ZNF385B: variants seen among roughly 807,000 people sequenced by gnomAD.
ZNF385B encodes the protein zinc finger protein 385B, also known as zinc finger protein 533.
A neutral mutation model predicts 39.2 loss-of-function variants in ZNF385B; 23 were observed. The observed-to-expected ratio is 0.59, with a 90% CI of 0.42 to 0.83. ZNF385B has a LOEUF of 0.83. ZNF385B is among the 40% of genes least tolerant of loss of function. The pLI, the probability that ZNF385B is intolerant of heterozygous loss-of-function variation, is 0.00. For synonymous variants in ZNF385B, 205 were observed against 222.6 expected (o/e 0.92, Z 0.70); for missense variants, 552 against 598.9 (o/e 0.92, Z 0.82).
chr2:179,637,043 A>G (rs1450423191), intron 3 of ZNF385B, among the ~76,000 whole-genome samples: 2 of 152,216 alleles, frequency 1.3e-5, no homozygotes, highest in South Asian at 2.1e-4. Flanking sequence ...CATAGCAAGT[A>G]ATTTCTAGTT....
intron 3 of ZNF385B, among the ~76,000 whole-genome samples, chr2:179,555,953 T>C (rs2060879478): frequency 6.7e-6 from 1 of 149,178 alleles, no homozygotes; most frequent in Non-Finnish European, 1.5e-5. Context: ...TGCACTGAAG[T>C]TGATAAGCAA....
chr2:179,741,314 T>C (rs951129848), intron 3 of ZNF385B, among the ~76,000 whole-genome samples: 7 of 152,164 alleles, frequency 4.6e-5, no homozygotes, highest in African/African-American at 1.4e-4. Context: ...ATTTTTTTTC[T>C]CATTTTGAGA....
In ZNF385B at chr2:179,493,789, G is replaced by GTATATGCATATATGTA. The variant is rs1553572807; in HGVS notation, c.553-10356_553-10355insTACATATATGCATATA. On this transcript the variant is annotated intron_variant, in intron 5 of 9. Transcript: ENST00000410066. ...TATACATATATGTATATACACATAT[G>GTATATGCATATATGTA]TATACATATATGTATATATACATAT... is the stretch of plus-strand genomic sequence containing the variant. Among the ~76,000 whole-genome samples the GTATATGCATATATGTA allele has an allele frequency of 4.4e-5, 5 of 113,252 alleles. 1 individual carries two copies. Among genetic ancestry groups the GTATATGCATATATGTA allele is most frequent in the East Asian group, 4.1e-4 (2 of 4,820 alleles). 74.3% of individuals were successfully genotyped at this position (113,252 alleles called of 152,430 possible). A position where few individuals can be genotyped will look rare whatever the true frequency, so the allele number is the denominator to read the frequency against.
chr2:179,600,193 T>A (rs565437116), intron 3 of ZNF385B, among the ~76,000 whole-genome samples: 2 of 152,302 alleles, frequency 1.3e-5, no homozygotes, highest in East Asian at 3.9e-4. Flanking sequence ...AGGCCAACCA[T>A]CATTGCTTAG....
chr2:179,632,499 C>T (rs941837476), intron 3 of ZNF385B, among the ~76,000 whole-genome samples: 1 of 152,110 alleles, frequency 6.6e-6, no homozygotes, highest in African/African-American at 2.4e-5. Context: ...TTTTTTGAAT[C>T]CAATGAGAAC....
chr2:179,646,154 C>T (rs1692695911), intron 3 of ZNF385B, among the ~76,000 whole-genome samples: 1 of 152,330 alleles, frequency 6.6e-6, no homozygotes, highest in South Asian at 2.1e-4. Flanking sequence ...GTGGCTCATG[C>T]CTGTAATCCC....
At chr2:179,743,447 C>T (rs1454598133) in intron 3 of ZNF385B, among the ~76,000 whole-genome samples, 2 of 151,852 alleles carry the variant, frequency 1.3e-5, no homozygotes, top group Non-Finnish European at 2.9e-5. Flanking sequence ...TTAACCCAGG[C>T]AAAGATCTAA....
chr2:179,595,943 T>A (rs533779969), intron 3 of ZNF385B, among the ~76,000 whole-genome samples: 412 of 152,198 alleles, frequency 2.7e-3, no homozygotes, highest in Non-Finnish European at 4.9e-3. Context: ...TACAGCATTT[T>A]AAAAAAATTG....
chr2:179,804,699 G>A (rs1192986294), intron 1 of ZNF385B, among the ~76,000 whole-genome samples: 1 of 152,110 alleles, frequency 6.6e-6, no homozygotes, highest in Non-Finnish European at 1.5e-5. Context: ...GGATGTGCTG[G>A]GCACACAGTG....
At chr2:179,571,416 T>C (rs1043495082) in intron 3 of ZNF385B, among the ~76,000 whole-genome samples, 1 of 152,184 alleles carries the variant, frequency 6.6e-6, no homozygotes, top group South Asian at 2.1e-4. Flanking sequence ...GTACTTTCAC[T>C]ACAAGCCCGA....
At chr2:179,858,122 A>G (rs573171391) in intron 1 of ZNF385B, among the ~76,000 whole-genome samples, 1 of 152,278 alleles carries the variant, frequency 6.6e-6, no homozygotes, top group South Asian at 2.1e-4. Context: ...CTAGAAACAG[A>G]TAAGAAGACT....
chr2:179,805,828 A>G (rs1350099296), intron 1 of ZNF385B, among the ~76,000 whole-genome samples: 1 of 152,244 alleles, frequency 6.6e-6, no homozygotes, highest in Non-Finnish European at 1.5e-5. Flanking sequence ...GTCATTTTAC[A>G]TAATGGATAG....
At chr2:179,591,489 A>G (rs13000183) in intron 3 of ZNF385B, among the ~76,000 whole-genome samples, 1 of 151,956 alleles carries the variant, frequency 6.6e-6, no homozygotes, top group Non-Finnish European at 1.5e-5. Context: ...CTTTTCTTAA[A>G]TGACTTTTCT....
chr2:179,582,181 G>C (rs1037534882), intron 3 of ZNF385B, among the ~76,000 whole-genome samples: 1 of 150,796 alleles, frequency 6.6e-6, no homozygotes, highest in Non-Finnish European at 1.5e-5. Flanking sequence ...TACACTAATA[G>C]AGAGAAAAGA....
intron 1 of ZNF385B, among the ~76,000 whole-genome samples, chr2:179,820,742 C>A (rs1575552264): frequency 6.6e-6 from 1 of 151,892 alleles, no homozygotes; most frequent in Non-Finnish European, 1.5e-5. Context: ...TTTTTTATTT[C>A]CTCACTTACT....
chr2:179,526,908 T>C (rs2058941741), intron 4 of ZNF385B, among the ~76,000 whole-genome samples: 1 of 152,238 alleles, frequency 6.6e-6, no homozygotes, highest in Non-Finnish European at 1.5e-5. Flanking sequence ...GGTTGTGGCT[T>C]GCAACATTAA....
chr2:179,502,904 T>G (rs1322070271), intron 5 of ZNF385B, among the ~76,000 whole-genome samples: 1 of 152,188 alleles, frequency 6.6e-6, no homozygotes, highest in Admixed American at 6.6e-5. Flanking sequence ...TGCCATCATC[T>G]TTTGTTTCAA....
At chr2:179,538,068 G>A (rs989679654) in intron 4 of ZNF385B, among the ~76,000 whole-genome samples, 1 of 151,982 alleles carries the variant, frequency 6.6e-6, no homozygotes, top group African/African-American at 2.4e-5. Context: ...TTAAAAGCAT[G>A]TCACAAAAAA....
chr2:179,493,562 T>C (rs1350330683), intron 5 of ZNF385B, among the ~76,000 whole-genome samples: 1 of 127,944 alleles, frequency 7.8e-6, no homozygotes, highest in Non-Finnish European at 1.7e-5. Flanking sequence ...CATGCACATA[T>C]ATGCGTATAC....
Sources: allele counts gnomAD v4.1 joint callset (sites outside exome capture counted in the v4.1 genomes callset), GRCh38; gene constraint gnomAD v4.1.1; transcripts MANE v1.5; gene names NCBI Gene and HGNC (gene_info 2026-07-23, HGNC 2026-07-21).